The following DNAJC12 variants were observed in gnomAD, a reference collection of about 807,000 sequenced individuals.
The protein encoded by DNAJC12 is dnaJ homolog subfamily C member 12.
Under a neutral mutation model 28.5 loss-of-function variants are expected in DNAJC12, and 25 were observed. The observed-to-expected ratio is 0.88, with a 90% CI of 0.64 to 1.22. The LOEUF (loss-of-function observed/expected upper bound fraction) is 1.22, where lower values mean the gene tolerates loss of function less well. DNAJC12 is among the 50% of genes most tolerant of loss of function. The pLI is 0.00. For missense variants in DNAJC12, 222 were observed against 231.7 expected (o/e 0.96, Z 0.27); for synonymous variants, 77 against 80.6 (o/e 0.95, Z 0.24).
chr10:67,819,682 GAAAGAAAGA>G (rs1841954300), intron 2 of DNAJC12, among the ~76,000 whole-genome samples: 11 of 13,698 alleles, frequency 8.0e-4, no homozygotes, highest in Admixed American at 2.1e-3. Context: ...AAGAAAGAAA[GAAAGAAAGA>G]AAGAAAGGAA....
chr10:67,798,600 T>G (rs1377925518), intron 4 of DNAJC12, among the ~76,000 whole-genome samples: 1 of 152,038 alleles, frequency 6.6e-6, no homozygotes, highest in African/African-American at 2.4e-5. Context: ...GAGGATTACT[T>G]GAGCCCCAGA....
intron 1 of DNAJC12, among the ~76,000 whole-genome samples, chr10:67,831,465 T>C (rs1328706987): frequency 3.3e-5 from 5 of 152,196 alleles, no homozygotes; most frequent in African/African-American, 4.8e-5. Flanking sequence ...AATACTCCAG[T>C]GTGCCATGGA....
chr10:67,821,057 A>G (rs545418546), intron 2 of DNAJC12, among the ~76,000 whole-genome samples: 87 of 151,914 alleles, frequency 5.7e-4, no homozygotes, highest in African/African-American at 2.0e-3. Context: ...TGCTGGAATT[A>G]CAGGTGTGAG....
At chr10:67,817,329 G>C (rs1009970947) in intron 2 of DNAJC12, among the ~76,000 whole-genome samples, 4 of 152,120 alleles carry the variant, frequency 2.6e-5, no homozygotes, top group African/African-American at 9.7e-5. Flanking sequence ...GACTGTAAGT[G>C]GAATGGGAGC....
chr10:67,807,087 T>G (rs1841810125), intron 3 of DNAJC12, among the ~76,000 whole-genome samples: 1 of 151,672 alleles, frequency 6.6e-6, no homozygotes, highest in African/African-American at 2.4e-5. Context: ...TGGTGAAACC[T>G]CACCTCTACT....
intron 4 of DNAJC12, 64 bp downstream of exon 4, chr10:67,805,519 C>T (rs1467957395): frequency 1.3e-6 from 2 of 1,485,864 alleles, no homozygotes; most frequent in Middle Eastern, 1.8e-4. Context: ...AGAATAAATG[C>T]AATATAAACA....
At chr10:67,818,425 A>G (rs968566479) in intron 2 of DNAJC12, among the ~76,000 whole-genome samples, 3 of 152,202 alleles carry the variant, frequency 2.0e-5, no homozygotes, top group African/African-American at 7.2e-5. Flanking sequence ...AACAATATTT[A>G]CACAGTCCAC....
intron 4 of DNAJC12, among the ~76,000 whole-genome samples, chr10:67,801,267 G>C (rs565909406): frequency 7.4e-4 from 113 of 152,250 alleles, no homozygotes; most frequent in African/African-American, 2.5e-3. Flanking sequence ...GCCACTCAGG[G>C]CTTGGTAAAG....
intron 3 of DNAJC12, among the ~76,000 whole-genome samples, chr10:67,807,800 T>C (rs1841818344): frequency 6.6e-6 from 1 of 152,244 alleles, no homozygotes; most frequent in Non-Finnish European, 1.5e-5. Flanking sequence ...AGGATTAATG[T>C]CTAATCCACA....
At chr10:67,831,220 A>G (rs1842090724) in intron 1 of DNAJC12, among the ~76,000 whole-genome samples, 1 of 152,222 alleles carries the variant, frequency 6.6e-6, no homozygotes, top group South Asian at 2.1e-4. Context: ...ACATATACAC[A>G]TATGCATTTA....
rs779988211 is a variant in DNAJC12, at chr10:67,838,034, C to T, written c.-23G>A. 6.5e-7 allele frequency: 1 copy of T among 1,536,646 alleles called. No individual in the cohort carries two copies. Among genetic ancestry groups the T allele is most frequent in the Non-Finnish European group, 8.9e-7 (1 of 1,120,776 alleles). ...CATTTAGATGACTTAATCAGTCCTT[C>T]TTCCCTCGGAAACAAGAGGCACAGT... On this transcript the variant is annotated 5_prime_UTR_variant, in exon 1 of 5. Transcript: ENST00000225171.
intron 4 of DNAJC12, among the ~76,000 whole-genome samples, chr10:67,804,296 A>G (rs1489917476): frequency 6.6e-6 from 1 of 152,184 alleles, no homozygotes; most frequent in Non-Finnish European, 1.5e-5. Flanking sequence ...CCGCTGTGCT[A>G]AGCATTTTTT....
intron 1 of DNAJC12, among the ~76,000 whole-genome samples, chr10:67,835,747 C>CACACACACACAT (rs111959175): frequency 1.4e-5 from 2 of 147,940 alleles, no homozygotes; most frequent in African/African-American, 2.5e-5. Flanking sequence ...CACACACACA[C>CACACACACACAT]ATATATATAA....
intron 1 of DNAJC12, among the ~76,000 whole-genome samples, chr10:67,837,340 G>T (rs1842150362): frequency 6.6e-6 from 1 of 151,968 alleles, no homozygotes; most frequent in South Asian, 2.1e-4. Context: ...TGTTTATTGA[G>T]AACTTTAAAA....
chr10:67,811,418 G>GT, intron 3 of DNAJC12, 106 bp downstream of exon 3: 1 of 1,539,742 alleles, frequency 6.5e-7, no homozygotes. Flanking sequence ...TAACTTCTTG[G>GT]TTTTCTCCCT....
chr10:67,813,567 G>T (rs1841883697), intron 2 of DNAJC12, among the ~76,000 whole-genome samples: 1 of 150,326 alleles, frequency 6.7e-6, no homozygotes, highest in Non-Finnish European at 1.5e-5. Context: ...GGCCAACATG[G>T]TGAAACCCCG....
intron 4 of DNAJC12, among the ~76,000 whole-genome samples, chr10:67,798,019 G>C (rs925488376): frequency 6.9e-6 from 1 of 145,664 alleles, no homozygotes; most frequent in African/African-American, 2.6e-5. Flanking sequence ...AGGCCTGGGC[G>C]ACAGAGCGAG....
rs1308094935 is a variant in DNAJC12 at position 67,819,682 on chromosome 10, GA to G, written c.157+3631del. ...AAAGAGAAAGAAAGAAAGAAAGAAA[GA>G]AAGAAAGAAAGAAAGGAAGGAAGGA... is the stretch of plus-strand genomic sequence containing the variant. On this transcript the variant is annotated intron_variant, in intron 2 of 4. Transcript: ENST00000225171. Among the ~76,000 whole-genome samples, 9 of 13,700 alleles carry G rather than the reference GA, an allele frequency of 6.6e-4. 1 individual carries two copies. Among genetic ancestry groups the G allele is most frequent in the Admixed American group, 4.3e-3 (4 of 936 alleles). 9.0% of individuals were successfully genotyped at this position (13,700 alleles called of 152,430 possible). A position where few individuals can be genotyped will look rare whatever the true frequency, so the allele number is the denominator to read the frequency against.
chr10:67,806,084 A>T (rs989568444), intron 3 of DNAJC12, among the ~76,000 whole-genome samples: 2 of 152,212 alleles, frequency 1.3e-5, no homozygotes, highest in African/African-American at 4.8e-5. Flanking sequence ...GGATGGATGG[A>T]TGAACTAACA....
Sources: gnomAD v4.1 joint callset for allele counts (sites outside exome capture counted in the v4.1 genomes callset) on GRCh38, gnomAD v4.1.1 for gene constraint, MANE v1.5 for transcripts, NCBI Gene and HGNC (gene_info 2026-07-23, HGNC 2026-07-21) for gene names.